CWC27: variants seen among roughly 807,000 people sequenced by gnomAD.
CWC27 encodes the protein spliceosome-associated protein CWC27 homolog.
In CWC27, 47 loss-of-function variants were observed where a neutral mutation model predicts 63.6. The ratio of observed to expected loss-of-function variants is 0.74; its 90% CI spans 0.58 to 0.94. The LOEUF (loss-of-function observed/expected upper bound fraction) is 0.94. Among genes scored for constraint, CWC27 ranks in the 40% least tolerant of loss-of-function variants. The pLI, the probability that CWC27 is intolerant of heterozygous loss-of-function variation, is 0.00. For missense variants in CWC27, 495 were observed against 554.3 expected, an observed-to-expected ratio of 0.89 and a Z score of 1.07; for synonymous variants, 175 against 179.8, an observed-to-expected ratio of 0.97 and a Z score of 0.22.
chr5:64,988,967 T>C (rs567625537), intron 13 of CWC27, among the ~76,000 whole-genome samples: 6 of 152,304 alleles, frequency 3.9e-5, no homozygotes, highest in Non-Finnish European at 8.8e-5. Flanking sequence ...GATTGACACA[T>C]GCACTGACTT....
At chr5:64,983,989 G>A (rs765450668) in intron 13 of CWC27, among the ~76,000 whole-genome samples, 12 of 151,932 alleles carry the variant, frequency 7.9e-5, no homozygotes, top group African/African-American at 1.7e-4. Context: ...GCACCACCAC[G>A]CCCGGCTAAT....
chr5:64,806,089 T>C (rs1392330781), intron 10 of CWC27, among the ~76,000 whole-genome samples: 1 of 126,576 alleles, frequency 7.9e-6, no homozygotes, highest in African/African-American at 3.5e-5. Flanking sequence ...ATAGACTGGA[T>C]GACTTAACAG....
Position 64,798,391 on chromosome 5 carries a change from A to G in CWC27, c.670-1857A>G, listed in dbSNP as rs368544506. ...CTTCTTGTCCTGTCTTCTTTCTACT[A>G]TACCACCTTCTGTTTTGTGAATATT... On this transcript the variant is annotated intron_variant, in intron 7 of 13. Transcript: ENST00000381070. 1.5e-4 allele frequency among the ~76,000 whole-genome samples: 23 copies of G among 152,294 alleles called. No individual in the cohort carries two copies. In the East Asian group the frequency reaches 2.1e-3, roughly 14 times the overall value.
At chr5:64,985,024 C>T (rs1415380194) in intron 13 of CWC27, among the ~76,000 whole-genome samples, 1 of 152,112 alleles carries the variant, frequency 6.6e-6, no homozygotes, top group Non-Finnish European at 1.5e-5. Flanking sequence ...CCAATTATTC[C>T]AGTACCATTT....
At chr5:64,860,477 G>A (rs956297535) in intron 10 of CWC27, among the ~76,000 whole-genome samples, 1 of 152,104 alleles carries the variant, frequency 6.6e-6, no homozygotes, top group African/African-American at 2.4e-5. Context: ...ATAGATATCA[G>A]GATAAAGCTG....
intron 10 of CWC27, among the ~76,000 whole-genome samples, chr5:64,816,018 G>T (rs1206611798): frequency 6.6e-6 from 1 of 152,160 alleles, no homozygotes; most frequent in African/African-American, 2.4e-5. Flanking sequence ...AAAGCAAGTT[G>T]TCAGGAAGTT....
At chr5:64,870,442 A>G (rs1282778782) in intron 10 of CWC27, among the ~76,000 whole-genome samples, 1 of 151,510 alleles carries the variant, frequency 6.6e-6, no homozygotes, top group East Asian at 1.9e-4. Context: ...AGATCATGGT[A>G]GAAATCAAAA....
At chr5:64,867,551 T>A (rs1231721513) in intron 10 of CWC27, among the ~76,000 whole-genome samples, 1 of 151,848 alleles carries the variant, frequency 6.6e-6, no homozygotes, top group Non-Finnish European at 1.5e-5. Context: ...CTGCAGTGAG[T>A]CTAAGTTTGT....
At chr5:64,773,220 T>A (rs75588363) in intron 1 of CWC27, among the ~76,000 whole-genome samples, 1 of 152,186 alleles carries the variant, frequency 6.6e-6, no homozygotes, top group Admixed American at 6.5e-5. Flanking sequence ...TAAATATATA[T>A]TGTGTCTTGA....
chr5:64,984,658 A>G (rs1395853077), intron 13 of CWC27, among the ~76,000 whole-genome samples: 2 of 152,046 alleles, frequency 1.3e-5, no homozygotes, highest in South Asian at 2.1e-4. Flanking sequence ...TTGTTTTCTT[A>G]CTGTTGAGTT....
intron 10 of CWC27, among the ~76,000 whole-genome samples, chr5:64,865,625 G>C (rs528401029): frequency 6.6e-6 from 1 of 152,058 alleles, no homozygotes; most frequent in Non-Finnish European, 1.5e-5. Context: ...GAGTAAATTT[G>C]CCTTATTTTT....
At chr5:64,936,634 CCTT>C (rs930488147) in intron 11 of CWC27, among the ~76,000 whole-genome samples, 3 of 152,142 alleles carry the variant, frequency 2.0e-5, no homozygotes, top group African/African-American at 7.2e-5. Flanking sequence ...AGGGAGGAGT[CCTT>C]CTTTTTCTAT....
intron 13 of CWC27, among the ~76,000 whole-genome samples, chr5:65,009,349 A>G (rs1235618352): frequency 1.3e-5 from 2 of 152,224 alleles, no homozygotes; most frequent in African/African-American, 4.8e-5. Context: ...AAACTTCAAC[A>G]TGAGACTTGG....
chr5:64,999,977 T>C (rs2112465112), intron 13 of CWC27, among the ~76,000 whole-genome samples: 1 of 152,204 alleles, frequency 6.6e-6, no homozygotes, highest in East Asian at 1.9e-4. Flanking sequence ...GTTACCTTTC[T>C]CTGCATCCTC....
intron 6 of CWC27, 103 bp downstream of exon 6, chr5:64,786,730 G>T: frequency 1.5e-6 from 1 of 667,916 alleles, no homozygotes; most frequent in Non-Finnish European, 2.5e-6. Context: ...CAAAGGAGAG[G>T]CCAGTTTGAA....
intron 1 of CWC27, among the ~76,000 whole-genome samples, chr5:64,772,790 AGCTGGGTGTG>A (rs1208243698): frequency 5.3e-5 from 8 of 151,798 alleles, no homozygotes; most frequent in Non-Finnish European, 1.0e-4. Context: ...ACAAAAAATT[AGCTGGGTGTG>A]GCGGTGGGTG....
chr5:64,971,738 TAC>T lies in CWC27; in HGVS notation c.1080_1081del (p.Tyr360Ter). The T allele has an allele frequency of 1.2e-6, 2 of 1,611,186 alleles. No homozygotes were observed. Among genetic ancestry groups the T allele is most frequent in the Non-Finnish European group, 1.7e-6 (2 of 1,178,870 alleles). Reference protein sequence around the residue: ...EAPPDGAVAEYRREKQKYEAL... With the variant: ...EAPPDGAVAEXRREKQKYEAL... ...CCCTCCAGATGGTGCTGTTGCCGAA[TAC>T]AGAAGAGAAAAGCAAAAGTATGAAG... On this transcript the variant is annotated frameshift_variant, in exon 12 of 14. Transcript: ENST00000381070. LOFTEE classifies it high-confidence loss of function.
intron 7 of CWC27, among the ~76,000 whole-genome samples, chr5:64,790,812 C>A (rs1033542619): frequency 2.0e-5 from 3 of 151,890 alleles, no homozygotes; most frequent in African/African-American, 7.3e-5. Flanking sequence ...TTATGTAATC[C>A]CTATAACAAC....
chr5:64,825,528 A>C (rs746445055), intron 10 of CWC27, among the ~76,000 whole-genome samples: 1 of 151,756 alleles, frequency 6.6e-6, no homozygotes, highest in Admixed American at 6.6e-5. Context: ...CCTTTTTTCT[A>C]CTTATTTAAT....
Sources: gnomAD v4.1 joint callset for allele counts (sites outside exome capture counted in the v4.1 genomes callset) on GRCh38, gnomAD v4.1.1 for gene constraint, MANE v1.5 for transcripts, NCBI Gene and HGNC (gene_info 2026-07-23, HGNC 2026-07-21) for gene names.